FBN2: variants seen among roughly 807,000 people sequenced by gnomAD.
FBN2 encodes the protein fibrillin-2.
Under a neutral mutation model 355.6 loss-of-function variants are expected in FBN2, and 105 were observed. That is an observed-to-expected ratio of 0.30 (90% CI 0.25 to 0.35). The LOEUF is 0.35. Among genes scored for constraint, FBN2 ranks in the 10% least tolerant of loss-of-function variants. The pLI is 1.00. For synonymous variants in FBN2, 1,350 were observed against 1,301.2 expected (o/e 1.04, Z -0.81); for missense variants, 3,280 against 3,758.7 (o/e 0.87, Z 3.33).
intron 23 of FBN2, among the ~76,000 whole-genome samples, chr5:128,349,124 TG>T (rs1291146807): frequency 5.3e-5 from 8 of 152,220 alleles, no homozygotes; most frequent in Middle Eastern, 3.2e-3. Context: ...TGGAAGATTT[TG>T]AGATAGATTT....
chr5:128,494,066 T>C (rs1163789494), intron 5 of FBN2, among the ~76,000 whole-genome samples: 1 of 152,154 alleles, frequency 6.6e-6, no homozygotes, highest in Non-Finnish European at 1.5e-5. Flanking sequence ...CAGTTTAAGC[T>C]GGAGACACAG....
Position 128,278,667 on chromosome 5 carries a change from G to A in FBN2, c.7313C>T (p.Pro2438Leu). ...PGTAQYKKICPHGPGYTTDGR... is the reference protein window; with the variant it reads ...PGTAQYKKICLHGPGYTTDGR... The stretch of plus-strand genomic sequence containing the variant: ...ATCAGTTGTATATCCTGGGCCATGA[G>A]GACATATCTTTTTGTACTGGGCAGT... The change falls in exon 57 of 65, where the codon CCT (proline) becomes CTT (leucine). Residue 2438 changes from proline to leucine, a missense_variant. Around this residue, in one of 6 missense-constraint regions of FBN2, gnomAD observed 2,284 missense variants for 2,749.5 expected, o/e 0.83. Transcript: ENST00000262464. 6.2e-7 allele frequency: 1 copy of A among 1,614,080 alleles called. No individual in the cohort carries two copies. The highest frequency in any genetic ancestry group is 8.5e-7 in the Non-Finnish European group (1 of 1,180,000).
intron 54 of FBN2, among the ~76,000 whole-genome samples, chr5:128,287,091 A>T (rs973472323): frequency 6.6e-6 from 1 of 152,214 alleles, no homozygotes; most frequent in Non-Finnish European, 1.5e-5. Flanking sequence ...GAGTGTGAGA[A>T]TAGTGGGCTT....
chr5:128,342,187 A>T (rs1159473516), intron 25 of FBN2, among the ~76,000 whole-genome samples: 1 of 152,154 alleles, frequency 6.6e-6, no homozygotes, highest in Non-Finnish European at 1.5e-5. Context: ...CAAGACGCTG[A>T]GTAGAGGACT....
chr5:128,496,181 CT>C (rs1195702973), intron 5 of FBN2, among the ~76,000 whole-genome samples: 5 of 151,960 alleles, frequency 3.3e-5, no homozygotes, highest in Non-Finnish European at 7.4e-5. Context: ...TCCAGTCACT[CT>C]ATGAGGTCAC....
intron 6 of FBN2, among the ~76,000 whole-genome samples, chr5:128,449,274 GT>G (rs1197133507): frequency 6.7e-6 from 1 of 148,676 alleles, no homozygotes; most frequent in Middle Eastern, 6.0e-3. Flanking sequence ...TATAAGTGAA[GT>G]GGCATTATAC....
In FBN2 at chr5:128,301,465, C is replaced by T; in HGVS notation, c.5963G>A (p.Gly1988Glu). ...SSFFGQVCRN[G>E]RCFNEIGSFK... ...AGAACCAATTTCATTAAAACAACGTCCATTTCTGCACACCTGACCAAAAAA... is the reference window on the plus strand; with the variant it reads ...AGAACCAATTTCATTAAAACAACGTTCATTTCTGCACACCTGACCAAAAAA... Residue 1988 changes from glycine to glutamate, a missense_variant, in exon 47 of 65, where the codon GGA (glycine) becomes GAA (glutamate). Physicochemically the swap from Gly to Glu is moderately conservative, Grantham distance 98. Transcript: ENST00000262464. The T allele has an allele frequency of 6.2e-7, 1 of 1,613,414 alleles. No individual in the cohort carries two copies. Among genetic ancestry groups the T allele is most frequent in the Non-Finnish European group, 8.5e-7 (1 of 1,179,608 alleles).
intron 9 of FBN2, among the ~76,000 whole-genome samples, chr5:128,393,935 G>T (rs769959077): frequency 1.3e-5 from 2 of 152,090 alleles, no homozygotes; most frequent in Non-Finnish European, 1.5e-5. Context: ...CAAGAAGATA[G>T]CAATTGCCTT....
In FBN2 at chr5:128,322,801, T is replaced by G. The variant is rs1750420739; in HGVS notation, c.4472-3800A>C. 4.6e-5 allele frequency among the ~76,000 whole-genome samples: 7 copies of G among 152,232 alleles called. 1 individual carries two copies. In the South Asian group the frequency reaches 1.4e-3, roughly 32 times the overall value. On this transcript the variant is annotated intron_variant, in intron 34 of 64. Coordinates refer to ENST00000262464, the MANE Select transcript of FBN2 (RefSeq NM_001999.4). ...AATTTAAGGTAGTTTTTCCTAATTC[T>G]GTGAAGAAAGTCAATGGTAGCTTGA... is the stretch of plus-strand genomic sequence containing the variant.
intron 5 of FBN2, among the ~76,000 whole-genome samples, chr5:128,473,649 A>C (rs902552839): frequency 1.3e-5 from 2 of 152,056 alleles, no homozygotes; most frequent in Non-Finnish European, 2.9e-5. Flanking sequence ...CTTTGCCTTC[A>C]CCGTGCTAAT....
chr5:128,334,298 C>T (rs915573669), intron 31 of FBN2, among the ~76,000 whole-genome samples: 7 of 151,836 alleles, frequency 4.6e-5, no homozygotes, highest in African/African-American at 1.7e-4. Context: ...CTCAATGAAA[C>T]TTGATTAATT....
Position 128,291,715 on chromosome 5 carries a change from AC to A in FBN2, c.6167-62del, listed in dbSNP as rs1749328694. 5 of 1,460,692 alleles carry A rather than the reference AC, an allele frequency of 3.4e-6. No homozygotes were observed. The Admixed American group carries it at 8.4e-5, about 24-fold the overall frequency. 90.5% of individuals were successfully genotyped at this position (1,460,692 alleles called of 1,614,324 possible). A position where few individuals can be genotyped will look rare whatever the true frequency, so the allele number is the denominator to read the frequency against. Reference sequence around the variant, plus strand: ...CACTTGAAAATAAACAATTGTCCATACTATCACTGTCCACTAGCCAGCTGAT... The same window carrying A: ...CACTTGAAAATAAACAATTGTCCATATATCACTGTCCACTAGCCAGCTGAT... On this transcript the variant is annotated intron_variant, in intron 48 of 64. Transcript: ENST00000262464.
rs1750008334 is a variant in FBN2 at position 128,310,386 on chromosome 5, ATATATATATATATATATTTTTTTTTT to A, written c.5075-304_5075-279del. Among the ~76,000 whole-genome samples, 7 of 31,448 alleles carry A rather than the reference ATATATATATATATATATTTTTTTTTT, an allele frequency of 2.2e-4. No individual in the cohort carries two copies. In the South Asian group the frequency reaches 5.2e-3, roughly 23 times the overall value. 20.6% of individuals were successfully genotyped at this position (31,448 alleles called of 152,430 possible). A position where few individuals can be genotyped will look rare whatever the true frequency, so the allele number is the denominator to read the frequency against. On this transcript the variant is annotated intron_variant, in intron 39 of 64. Coordinates refer to ENST00000262464, the MANE Select transcript of FBN2 (RefSeq NM_001999.4). ...GGCACATATATATATATATATATAT[ATATATATATATATATATTTTTTTTTT>A]TTTTTTTTTATTGCAATTCGCATTC...
chr5:128,482,310 C>T (rs1250596561), intron 5 of FBN2, among the ~76,000 whole-genome samples: 1 of 151,882 alleles, frequency 6.6e-6, no homozygotes, highest in Non-Finnish European at 1.5e-5. Context: ...AGCAAGAGGA[C>T]GATGAAGGCA....
intron 39 of FBN2, 73 bp downstream of exon 39, chr5:128,311,227 C>T (rs763470252): frequency 8.0e-5 from 122 of 1,526,398 alleles, no homozygotes; most frequent in Non-Finnish European, 1.1e-4. Flanking sequence ...TGAGGATGGG[C>T]CTTTCCCTCA....
chr5:128,318,362 T>A, intron 35 of FBN2, 91 bp from the exon 36 acceptor site: 1 of 1,311,304 alleles, frequency 7.6e-7, no homozygotes, highest in Non-Finnish European at 1.1e-6. Flanking sequence ...TTTTTGCAAG[T>A]GAGTAGATTA....
At position 128,510,129 on chromosome 5, in the gene FBN2, C is replaced by T. The variant is rs146317269; in HGVS notation, c.628+9144G>A. Among the ~76,000 whole-genome samples the T allele has an allele frequency of 3.9e-3, 600 of 152,250 alleles. 3 individuals carry two copies. Among genetic ancestry groups the T allele is most frequent in the Non-Finnish European group, 6.9e-3 (471 of 68,020 alleles). ...CCAGAACTTAGGGAGTCTGCTAGGC[C>T]GTGCCTGGATTTTCTCACCCCGTAG... is the stretch of plus-strand genomic sequence containing the variant. On this transcript the variant is annotated intron_variant, in intron 5 of 64. Coordinates refer to ENST00000262464, the MANE Select transcript of FBN2 (RefSeq NM_001999.4).
chr5:128,473,645 C>T (rs1345401254), intron 5 of FBN2, among the ~76,000 whole-genome samples: 3 of 152,120 alleles, frequency 2.0e-5, no homozygotes, highest in African/African-American at 7.2e-5. Context: ...GTAACTTTGC[C>T]TTCACCGTGC....
chr5:128,309,925 T>C (rs2126843627), intron 40 of FBN2, 58 bp downstream of exon 40: 1 of 1,566,514 alleles, frequency 6.4e-7, no homozygotes, highest in South Asian at 1.1e-5. Context: ...GAGACGTAAG[T>C]GCTTTATGTG....
Sources: allele counts gnomAD v4.1 joint callset (sites outside exome capture counted in the v4.1 genomes callset), GRCh38; gene constraint gnomAD v4.1.1; regional missense constraint gnomAD v4.1.1; transcripts MANE v1.5; gene names NCBI Gene and HGNC (gene_info 2026-07-23, HGNC 2026-07-21).